The following SPMIP4 variants were observed in gnomAD, a reference collection of about 807,000 sequenced individuals.
The protein encoded by SPMIP4 is sperm microtubule inner protein 4.
chr7:25,130,521 C>T, the SPMIP4 span, among the ~76,000 whole-genome samples: 14 of 152,018 alleles, frequency 9.2e-5, no homozygotes, highest in Non-Finnish European at 1.8e-4. Context: ...ACCATGTTAG[C>T]CAGACTGGTC....
At chr7:25,153,150 G>A in the SPMIP4 span, among the ~76,000 whole-genome samples, 123 of 152,296 alleles carry the variant, frequency 8.1e-4, no homozygotes, top group African/African-American at 2.8e-3. Context: ...GTTAGAGGAT[G>A]CTCATCTTTT....
chr7:25,151,368 T>G, the SPMIP4 span, among the ~76,000 whole-genome samples: 21 of 151,872 alleles, frequency 1.4e-4, no homozygotes, highest in African/African-American at 5.1e-4. Flanking sequence ...ACTACAGGTA[T>G]GCACCACCAC....
the SPMIP4 span, chr7:25,179,031 A>T: frequency 7.1e-6 from 5 of 700,182 alleles, no homozygotes; most frequent in Non-Finnish European, 1.1e-5. Flanking sequence ...ACAGAGCGAG[A>T]CACCGTCTCA....
chr7:25,174,705 C>T, the SPMIP4 span, among the ~76,000 whole-genome samples: 2 of 152,132 alleles, frequency 1.3e-5, no homozygotes, highest in African/African-American at 2.4e-5. This position sits in a 1 kb window ranked among gnomAD's most constrained non-coding sequence, Gnocchi z 4.5. Flanking sequence ...TCTCAAGGCA[C>T]TTCCTTAATG....
At chr7:25,144,285 A>G in the SPMIP4 span, among the ~76,000 whole-genome samples, 4 of 152,366 alleles carry the variant, frequency 2.6e-5, no homozygotes, top group Non-Finnish European at 4.4e-5. Context: ...CTTTGACAAA[A>G]TATCTCTGGA....
chr7:25,171,979 A>T, the SPMIP4 span, among the ~76,000 whole-genome samples: 1 of 152,216 alleles, frequency 6.6e-6, no homozygotes, highest in Non-Finnish European at 1.5e-5. Flanking sequence ...TCCTTTCAGT[A>T]GGAAGGATTC....
chr7:25,152,742 GTC>G, the SPMIP4 span, among the ~76,000 whole-genome samples: 250 of 72,328 alleles, frequency 3.5e-3, 2 homozygotes, highest in African/African-American at 0.013. Context: ...TCCCTTCGTT[GTC>G]TCTCTTTTTT....
chr7:25,175,527 T>C, the SPMIP4 span, among the ~76,000 whole-genome samples: 1 of 152,206 alleles, frequency 6.6e-6, no homozygotes, highest in Non-Finnish European at 1.5e-5. Context: ...AGTGCCATGA[T>C]GGCTGCATCT....
At chr7:25,170,152 C>T in the SPMIP4 span, among the ~76,000 whole-genome samples, 1 of 151,956 alleles carries the variant, frequency 6.6e-6, no homozygotes, top group East Asian at 1.9e-4. Context: ...TACATTCCTA[C>T]CAACATTGTA....
chr7:25,156,383 T>C, the SPMIP4 span, among the ~76,000 whole-genome samples: 1 of 152,034 alleles, frequency 6.6e-6, no homozygotes, highest in South Asian at 2.1e-4. Context: ...ATCCAAGAAA[T>C]ATGACCTAAC....
At chr7:25,145,394 T>A in the SPMIP4 span, among the ~76,000 whole-genome samples, 1 of 152,198 alleles carries the variant, frequency 6.6e-6, no homozygotes, top group African/African-American at 2.4e-5. Context: ...CAATGTGAAA[T>A]TTTACTGTAG....
At chr7:25,147,242 C>T in the SPMIP4 span, among the ~76,000 whole-genome samples, 26 of 152,100 alleles carry the variant, frequency 1.7e-4, 2 homozygotes, top group Admixed American at 7.9e-4. Flanking sequence ...TGCAGTGAGC[C>T]GAGATTGTGC....
At chr7:25,136,858 A>G in the SPMIP4 span, 1 of 1,482,700 alleles carries the variant, frequency 6.7e-7, no homozygotes, top group Non-Finnish European at 9.2e-7. The surrounding 1 kb of genome is among the most constrained non-coding windows in gnomAD (Gnocchi z 5.7). Flanking sequence ...TGGTAGGTCA[A>G]AAGTCATACC....
the SPMIP4 span, among the ~76,000 whole-genome samples, chr7:25,177,111 T>A: frequency 6.6e-6 from 1 of 152,140 alleles, no homozygotes; most frequent in Non-Finnish European, 1.5e-5. Context: ...AGAAAGAAAA[T>A]GATCTAACAA....
the SPMIP4 span, among the ~76,000 whole-genome samples, chr7:25,126,483 ATATTT>A: frequency 6.6e-6 from 1 of 152,300 alleles, no homozygotes; most frequent in Non-Finnish European, 1.5e-5. Context: ...AGGGCAAATA[ATATTT>A]TATAACCCAT....
chr7:25,151,957 G>A, the SPMIP4 span, among the ~76,000 whole-genome samples: 1 of 152,166 alleles, frequency 6.6e-6, no homozygotes, highest in Non-Finnish European at 1.5e-5. Context: ...TGGGACTACA[G>A]GGCAGGGCAG....
chr7:25,166,223 T>C, the SPMIP4 span, among the ~76,000 whole-genome samples: 3 of 92,484 alleles, frequency 3.2e-5, no homozygotes, highest in African/African-American at 1.0e-4. Flanking sequence ...TTTTTCTTTC[T>C]TTCCGTCTTC....
At chr7:25,142,564 T>C in the SPMIP4 span, 7 of 1,288,042 alleles carry the variant, frequency 5.4e-6, no homozygotes, top group African/African-American at 3.0e-5. Context: ...ACATGAGAAG[T>C]TGAAAGCTTG....
At chr7:25,130,759 G>C in the SPMIP4 span, among the ~76,000 whole-genome samples, 1 of 152,234 alleles carries the variant, frequency 6.6e-6, no homozygotes, top group South Asian at 2.1e-4. Context: ...AGCTATTATT[G>C]TCTTTGCCTT....
Sources: allele counts gnomAD v4.1 joint callset (sites outside exome capture counted in the v4.1 genomes callset), GRCh38; gene constraint gnomAD v4.1.1; non-coding constraint Gnocchi (gnomAD v3.1); transcripts MANE v1.5; gene names NCBI Gene and HGNC (gene_info 2026-07-23, HGNC 2026-07-21).